Variants in SS18 observed in about 807,000 individuals in gnomAD.
SS18 encodes SS18 subunit of BAF chromatin remodeling complex.
SS18 carries 28 observed loss-of-function variants against 72.5 expected under a neutral mutation model. That is an observed-to-expected ratio of 0.39 (90% CI 0.29 to 0.53). The LOEUF (loss-of-function observed/expected upper bound fraction) is 0.53, where lower values mean the gene tolerates loss of function less well. SS18 is among the 20% of genes least tolerant of loss of function. The probability of loss-of-function intolerance (pLI) is 0.76; values close to 1 mark genes in which losing one functional copy is unlikely to be tolerated. For missense variants in SS18, 518 were observed against 535.3 expected, an observed-to-expected ratio of 0.97 and a Z score of 0.32; for synonymous variants, 172 against 164.2, an observed-to-expected ratio of 1.05 and a Z score of -0.37.
At position 26,032,474 on chromosome 18, in the gene SS18, C is replaced by T; in HGVS notation, c.1155G>A (p.Gln385=). The change falls in exon 10 of 11, where the codon CAG becomes CAA. Residue 385 remains glutamine (Q), a synonymous_variant. Transcript: ENST00000415083. ...GTGTTGGTCTATATCCTCCATACTG[C>T]TGACCTTGTCCCTGTGGGTAGTTAG... ...QYPNYPQGQG[Q]QYGGYRPTQP... The T allele has an allele frequency of 1.2e-6, 2 of 1,613,868 alleles. No homozygotes were observed. The highest frequency in any genetic ancestry group is 2.2e-5 in the South Asian group (2 of 91,062).
intron 5 of SS18, among the ~76,000 whole-genome samples, chr18:26,041,633 T>C (rs1321756725): frequency 6.6e-6 from 1 of 152,104 alleles, no homozygotes; most frequent in Non-Finnish European, 1.5e-5. Flanking sequence ...AATGAAGGTT[T>C]TGCCTTTTCT....
At chr18:26,037,720 A>G (rs73944445) in intron 7 of SS18, among the ~76,000 whole-genome samples, 1 of 152,260 alleles carries the variant, frequency 6.6e-6, no homozygotes, top group African/African-American at 2.4e-5. Context: ...AGGATCATAT[A>G]CATGAATAAG....
chr18:26,060,198 G>A (rs545149695), intron 3 of SS18, among the ~76,000 whole-genome samples: 36 of 152,186 alleles, frequency 2.4e-4, no homozygotes, highest in African/African-American at 8.4e-4. Context: ...TGAATACAAC[G>A]GAATATTATT....
At chr18:26,050,313 T>C (rs1253253330) in intron 5 of SS18, among the ~76,000 whole-genome samples, 1 of 151,728 alleles carries the variant, frequency 6.6e-6, no homozygotes, top group Non-Finnish European at 1.5e-5. Context: ...AGAAAAACAT[T>C]TTGCAATACT....
chr18:26,072,121 A>G (rs868225656), intron 3 of SS18, among the ~76,000 whole-genome samples: 1 of 152,186 alleles, frequency 6.6e-6, no homozygotes, highest in South Asian at 2.1e-4. Context: ...GACTTAAAAT[A>G]CATTACAACA....
Position 26,083,784 on chromosome 18 carries a change from A to G in SS18, c.146+3717T>C, listed in dbSNP as rs985407351. On this transcript the variant is annotated intron_variant, in intron 2 of 10. Transcript: ENST00000415083. Reference sequence around the variant, plus strand: ...TTCTAATAAGTGCCTCTAAGCTTTAACATTCCATGGCTGACTTGAGGAATT... The same window carrying G: ...TTCTAATAAGTGCCTCTAAGCTTTAGCATTCCATGGCTGACTTGAGGAATT... 2.6e-5 allele frequency among the ~76,000 whole-genome samples: 4 copies of G among 152,196 alleles called. No homozygotes were observed. In the South Asian group the frequency reaches 6.2e-4, roughly 24 times the overall value.
intron 2 of SS18, among the ~76,000 whole-genome samples, chr18:26,083,343 C>T (rs956391163): frequency 3.9e-5 from 6 of 152,096 alleles, no homozygotes; most frequent in Non-Finnish European, 7.4e-5. Context: ...ACATATACTA[C>T]CCTTGGCTCT....
chr18:26,053,592 A>C (rs1487220311), intron 4 of SS18, among the ~76,000 whole-genome samples: 1 of 150,646 alleles, frequency 6.6e-6, no homozygotes, highest in African/African-American at 2.5e-5. Context: ...GACCAAATTA[A>C]TTACTTAACA....
intron 4 of SS18, among the ~76,000 whole-genome samples, chr18:26,053,813 A>G (rs186858307): frequency 6.6e-5 from 10 of 152,344 alleles, no homozygotes; most frequent in South Asian, 2.1e-4. Flanking sequence ...CTATATTGTG[A>G]AGAAAGAAGC....
intron 3 of SS18, among the ~76,000 whole-genome samples, chr18:26,063,758 C>A (rs1045097001): frequency 1.3e-5 from 2 of 151,892 alleles, no homozygotes; most frequent in African/African-American, 4.8e-5. Context: ...GATGGCAAAT[C>A]AAACCCAAAG....
At chr18:26,073,337 C>T (rs2054350221) in intron 3 of SS18, among the ~76,000 whole-genome samples, 1 of 152,098 alleles carries the variant, frequency 6.6e-6, no homozygotes, top group Non-Finnish European at 1.5e-5. Flanking sequence ...ATTTTAAATG[C>T]ATCCTTAGAA....
chr18:26,090,112 CGCGGG>C (rs1431341187), intron 1 of SS18: 1 of 205,384 alleles, frequency 4.9e-6, no homozygotes, highest in Non-Finnish European at 9.6e-6. Flanking sequence ...AGCCGCGGCA[CGCGGG>C]GCGGGGCGAC....
chr18:26,057,735 G>A lies in SS18; in HGVS notation c.239C>T (p.Thr80Ile), dbSNP rs1264141177. Reference protein sequence around the residue: ...NMQSLLPAPPTQNMPMGPGGM... With the variant: ...NMQSLLPAPPIQNMPMGPGGM... ...TCCAGGACCCATAGGCATATTCTGT[G>A]TGGGTGGCTGAAAGAAGACAGTTTA... Residue 80 changes from threonine (T) to isoleucine (I), a missense_variant, in exon 4 of 11, where the codon ACA becomes ATA. By Grantham distance (89) the Thr-to-Ile change is moderately conservative. Transcript: ENST00000415083. The A allele has an allele frequency of 2.5e-6, 4 of 1,600,978 alleles. No homozygotes were observed. Among genetic ancestry groups the A allele is most frequent in the East Asian group, 2.3e-5 (1 of 44,420 alleles).
At chr18:26,029,495 G>T (rs532770753) in intron 10 of SS18, among the ~76,000 whole-genome samples, 1 of 152,168 alleles carries the variant, frequency 6.6e-6, no homozygotes, top group African/African-American at 2.4e-5. Flanking sequence ...GTGAAAAATG[G>T]CTAGATATTA....
chr18:26,062,053 G>C (rs1299340451), intron 3 of SS18, among the ~76,000 whole-genome samples: 1 of 152,170 alleles, frequency 6.6e-6, no homozygotes, highest in Admixed American at 6.5e-5. Flanking sequence ...TTGAGGCCAG[G>C]AGATCGAGGC....
Position 26,078,300 on chromosome 18 carries a change from A to T in SS18, c.147-140T>A. ...TCAATAGCACTTCAATTTTTCCTAC[A>T]CTGCAAAAGTTCCAAATAATAAATA... On this transcript the variant is annotated intron_variant, in intron 2 of 10. Coordinates refer to ENST00000415083, the MANE Select transcript of SS18 (RefSeq NM_001007559.3). 9 of 538,276 alleles carry T rather than the reference A, an allele frequency of 1.7e-5. No homozygotes were observed. In the South Asian group the frequency reaches 2.6e-4, roughly 15 times the overall value. 33.3% of individuals were successfully genotyped at this position (538,276 alleles called of 1,614,324 possible).
intron 10 of SS18, among the ~76,000 whole-genome samples, chr18:26,026,722 C>T (rs1421991623): frequency 6.6e-6 from 1 of 151,902 alleles, no homozygotes; most frequent in Non-Finnish European, 1.5e-5. Context: ...AACATGATTT[C>T]TATGTTTGAA....
intron 3 of SS18, among the ~76,000 whole-genome samples, chr18:26,072,037 CTA>C (rs1393365387): frequency 2.0e-5 from 3 of 151,848 alleles, no homozygotes; most frequent in South Asian, 4.2e-4. Context: ...TGGTAAGTAA[CTA>C]TGTGGATGAT....
At chr18:26,067,470 T>C (rs2054239449) in intron 3 of SS18, among the ~76,000 whole-genome samples, 2 of 152,204 alleles carry the variant, frequency 1.3e-5, no homozygotes, top group African/African-American at 4.8e-5. Flanking sequence ...TTTGTCCATA[T>C]TGTTTTGAGA....
Sources: gnomAD v4.1 joint callset for allele counts (sites outside exome capture counted in the v4.1 genomes callset) on GRCh38, gnomAD v4.1.1 for gene constraint, MANE v1.5 for transcripts, NCBI Gene and HGNC (gene_info 2026-07-23, HGNC 2026-07-21) for gene names.